The following KRABD2 variants were observed in gnomAD, a reference collection of about 807,000 sequenced individuals.
The protein encoded by KRABD2 is KRAB domain containing 2.
chr17:8,360,299 GATA>G, the KRABD2 span, among the ~76,000 whole-genome samples: 3,275 of 151,636 alleles, frequency 0.022, 131 homozygotes, highest in African/African-American at 0.075. Flanking sequence ...TAATAATAAT[GATA>G]ATAATAATAA....
At chr17:8,367,574 A>G in the KRABD2 span, among the ~76,000 whole-genome samples, 1 of 151,010 alleles carries the variant, frequency 6.6e-6, no homozygotes, top group Non-Finnish European at 1.5e-5. Flanking sequence ...GAGGCAGGAG[A>G]ATTGCTTGAA....
the KRABD2 span, among the ~76,000 whole-genome samples, chr17:8,365,151 T>C: frequency 2.6e-5 from 4 of 152,200 alleles, no homozygotes; most frequent in Non-Finnish European, 5.9e-5. Context: ...CAGGCCAGAC[T>C]GGGTCCAGGA....
chr17:8,361,527 A>G, the KRABD2 span, among the ~76,000 whole-genome samples: 1 of 152,342 alleles, frequency 6.6e-6, no homozygotes, highest in Admixed American at 6.5e-5. Flanking sequence ...TTGGGACCAT[A>G]TGATAGTCCA....
chr17:8,374,918 A>G, the KRABD2 span, among the ~76,000 whole-genome samples: 1 of 114,350 alleles, frequency 8.7e-6, no homozygotes, highest in Non-Finnish European at 1.7e-5. Flanking sequence ...AGCCTGGGCG[A>G]CAGAGCCAGA....
chr17:8,363,840 T>C, the KRABD2 span, among the ~76,000 whole-genome samples: 11 of 75,202 alleles, frequency 1.5e-4, no homozygotes, highest in South Asian at 3.6e-4. Context: ...CATATATATA[T>C]ATATATATAT....
At chr17:8,364,684 C>T in the KRABD2 span, among the ~76,000 whole-genome samples, 1 of 152,062 alleles carries the variant, frequency 6.6e-6, no homozygotes, top group South Asian at 2.1e-4. The surrounding 1 kb of genome is among the most constrained non-coding windows in gnomAD (Gnocchi z 4.4). Context: ...TGCTAGACAT[C>T]CAGATTTTTA....
the KRABD2 span, among the ~76,000 whole-genome samples, chr17:8,363,830 C>CATACATATATAT: frequency 7.5e-4 from 65 of 86,938 alleles, no homozygotes; most frequent in African/African-American, 1.2e-3. Flanking sequence ...ATATATCATA[C>CATACATATATAT]ATATATATAT....
chr17:8,360,504 A>G, the KRABD2 span, among the ~76,000 whole-genome samples: 4 of 152,144 alleles, frequency 2.6e-5, no homozygotes, highest in African/African-American at 9.7e-5. Context: ...AAAGATTAGC[A>G]CCATGATAAA....
the KRABD2 span, among the ~76,000 whole-genome samples, chr17:8,374,730 A>G: frequency 1.3e-5 from 2 of 150,732 alleles, no homozygotes; most frequent in African/African-American, 4.9e-5. Context: ...GCGGATTACA[A>G]GGTCAGGAGA....
the KRABD2 span, among the ~76,000 whole-genome samples, chr17:8,375,468 C>G: frequency 5.9e-5 from 9 of 152,162 alleles, no homozygotes; most frequent in Non-Finnish European, 1.3e-4. Context: ...ACGTCGGGAC[C>G]TACTAACCTA....
chr17:8,374,061 G>T, the KRABD2 span, among the ~76,000 whole-genome samples: 1 of 150,606 alleles, frequency 6.6e-6, no homozygotes, highest in Admixed American at 6.6e-5. Flanking sequence ...GCCCCCGCCC[G>T]GCCGGCCGCC....
chr17:8,369,333 C>T, the KRABD2 span: 98 of 1,614,246 alleles, frequency 6.1e-5, 2 homozygotes, highest in Middle Eastern at 3.3e-4. Flanking sequence ...CACAGTTTCC[C>T]GGGGCAAGTT....
chr17:8,370,366 T>C, the KRABD2 span: 2 of 1,578,836 alleles, frequency 1.3e-6, no homozygotes, highest in Non-Finnish European at 1.7e-6. Flanking sequence ...TGAGGCATCA[T>C]GGAGAGCTGT....
At chr17:8,376,104 C>T in the KRABD2 span, 5 of 1,231,526 alleles carry the variant, frequency 4.1e-6, no homozygotes, top group Admixed American at 4.2e-5. Context: ...ATATATACAA[C>T]CTATAAGGTA....
the KRABD2 span, among the ~76,000 whole-genome samples, chr17:8,366,000 C>T: frequency 6.6e-6 from 1 of 151,872 alleles, no homozygotes; most frequent in Admixed American, 6.6e-5. Context: ...GGTTGGCGGG[C>T]GCCTGTAATC....
the KRABD2 span, among the ~76,000 whole-genome samples, chr17:8,372,702 T>C: frequency 7.2e-5 from 11 of 152,230 alleles, no homozygotes; most frequent in Non-Finnish European, 1.3e-4. This position sits in a 1 kb window ranked among gnomAD's most constrained non-coding sequence, Gnocchi z 4.1. Context: ...CTGAGTGCTG[T>C]GTTGGTTGTT....
the KRABD2 span, chr17:8,376,280 T>C: frequency 5.7e-6 from 7 of 1,228,884 alleles, no homozygotes; most frequent in Middle Eastern, 3.1e-4. Context: ...TGGGAATTCA[T>C]TTGCTGACTC....
the KRABD2 span, among the ~76,000 whole-genome samples, chr17:8,374,760 C>T: frequency 6.7e-6 from 1 of 149,260 alleles, no homozygotes; most frequent in East Asian, 2.0e-4. Context: ...TCCTGGCTAA[C>T]ACGAGGAAAC....
At chr17:8,369,392 T>C in the KRABD2 span, 1 of 1,614,246 alleles carries the variant, frequency 6.2e-7, no homozygotes, top group African/African-American at 1.3e-5. Flanking sequence ...TTGCCTCAAA[T>C]GGACTTTGCT....
Sources: gnomAD v4.1 joint callset for allele counts (sites outside exome capture counted in the v4.1 genomes callset) on GRCh38, gnomAD v4.1.1 for gene constraint, Gnocchi (gnomAD v3.1) non-coding constraint, MANE v1.5 for transcripts, NCBI Gene and HGNC (gene_info 2026-07-23, HGNC 2026-07-21) for gene names.